The following BMPR1A variants were observed in gnomAD, a reference collection of about 807,000 sequenced individuals.
BMPR1A encodes bone morphogenetic protein receptor type 1A, also known as bone morphogenetic protein receptor type-1A.
A neutral mutation model predicts 66.0 loss-of-function variants in BMPR1A; 7 were observed. The ratio of observed to expected loss-of-function variants is 0.11; its 90% CI spans 0.06 to 0.20. The LOEUF is 0.20. Ranked by LOEUF, BMPR1A falls within the 10% of genes least tolerant of loss-of-function variation. BMPR1A has a pLI of 1.00. For synonymous variants in BMPR1A, 200 were observed against 229.7 expected (o/e 0.87, Z 1.17); for missense variants, 408 against 669.1 (o/e 0.61, Z 4.31).
At position 86,822,291 on chromosome 10, in the gene BMPR1A, T is replaced by G. The variant is rs867964617; in HGVS notation, c.-267-16574T>G. On this transcript the variant is annotated intron_variant, in intron 1 of 12. Transcript: ENST00000372037. ...TTTTATTCTAGTCCCAGTCTGTGTA[T>G]GAGTAAAACCCCAAGGACCCTGTAT... Among the ~76,000 whole-genome samples, 4 of 152,364 alleles carry G rather than the reference T, an allele frequency of 2.6e-5. No homozygotes were observed. The East Asian group carries it at 5.8e-4, about 22-fold the overall frequency.
At chr10:86,862,245 A>C (rs1324812442) in intron 2 of BMPR1A, among the ~76,000 whole-genome samples, 1 of 152,246 alleles carries the variant, frequency 6.6e-6, no homozygotes, top group Admixed American at 6.5e-5. Context: ...TAGGGTGGGC[A>C]GGAAGCCTGT....
intron 3 of BMPR1A, among the ~76,000 whole-genome samples, chr10:86,882,465 A>G (rs1333165024): frequency 6.6e-6 from 1 of 152,020 alleles, no homozygotes; most frequent in Non-Finnish European, 1.5e-5. Flanking sequence ...CATTTCAAAC[A>G]TATATATGTA....
intron 8 of BMPR1A, among the ~76,000 whole-genome samples, chr10:86,914,860 T>G (rs982030159): frequency 1.3e-5 from 2 of 152,168 alleles, no homozygotes; most frequent in African/African-American, 4.8e-5. Context: ...TGCTAATTAT[T>G]TACCCAAGAG....
At chr10:86,921,470 C>T in intron 10 of BMPR1A, 50 bp from the exon 11 acceptor site, 1 of 1,605,486 alleles carries the variant, frequency 6.2e-7, no homozygotes, top group Non-Finnish European at 8.5e-7. Flanking sequence ...ACAAGATAAA[C>T]TATTTTATTT....
At chr10:86,814,405 T>C (rs1315098224) in intron 1 of BMPR1A, among the ~76,000 whole-genome samples, 2 of 152,170 alleles carry the variant, frequency 1.3e-5, no homozygotes, top group East Asian at 3.8e-4. Context: ...CAATTTTTGT[T>C]GCTTTCTTTA....
At chr10:86,850,688 G>C (rs554667501) in intron 2 of BMPR1A, among the ~76,000 whole-genome samples, 38 of 152,240 alleles carry the variant, frequency 2.5e-4, no homozygotes, top group Middle Eastern at 3.4e-3. Flanking sequence ...CTGGAGTGCA[G>C]TGGCATGATC....
chr10:86,857,206 C>A (rs533413397), intron 2 of BMPR1A, among the ~76,000 whole-genome samples: 1 of 152,192 alleles, frequency 6.6e-6, no homozygotes, highest in East Asian at 1.9e-4. Flanking sequence ...ACATGGTGGC[C>A]TTTCTGGTGA....
intron 2 of BMPR1A, among the ~76,000 whole-genome samples, chr10:86,840,034 T>C (rs902877516): frequency 3.9e-5 from 6 of 152,154 alleles, no homozygotes; most frequent in African/African-American, 1.4e-4. Context: ...GGAGCTGCCA[T>C]CATGCCAGAA....
intron 3 of BMPR1A, among the ~76,000 whole-genome samples, chr10:86,877,895 T>C (rs1842939690): frequency 6.6e-6 from 1 of 152,230 alleles, no homozygotes; most frequent in South Asian, 2.1e-4. Flanking sequence ...CCAGTTCACA[T>C]TGTTCTATAA....
intron 2 of BMPR1A, among the ~76,000 whole-genome samples, chr10:86,852,753 CTA>C (rs1220906367): frequency 2.0e-5 from 3 of 152,114 alleles, no homozygotes; most frequent in Admixed American, 2.0e-4. Context: ...AGTTCTTACT[CTA>C]TTCCAAGCAC....
chr10:86,867,208 T>TACA (rs1258110271), intron 2 of BMPR1A, among the ~76,000 whole-genome samples: 1 of 152,234 alleles, frequency 6.6e-6, no homozygotes, highest in African/African-American at 2.4e-5. Context: ...CCTGAAGTTT[T>TACA]TGAGTGTTGA....
At chr10:86,826,993 T>A (rs1564696643) in intron 1 of BMPR1A, among the ~76,000 whole-genome samples, 1 of 75,756 alleles carries the variant, frequency 1.3e-5, no homozygotes, top group South Asian at 5.1e-4. Context: ...TATCTACTTA[T>A]CTTTCTATCT....
chr10:86,894,443 G>A (rs1030470292), intron 5 of BMPR1A, among the ~76,000 whole-genome samples: 29 of 152,164 alleles, frequency 1.9e-4, no homozygotes, highest in African/African-American at 6.5e-4. Flanking sequence ...CGTTGTTCCA[G>A]TTTTAGGCTA....
Position 86,920,845 on chromosome 10 carries a change from C to CCTTTT in BMPR1A, c.1167-664_1167-660dup, listed in dbSNP as rs1373655608. Among the ~76,000 whole-genome samples, 3 of 147,848 alleles carry CCTTTT rather than the reference C, an allele frequency of 2.0e-5. No individual in the cohort carries two copies. The South Asian group carries it at 6.4e-4, about 32-fold the overall frequency. On this transcript the variant is annotated intron_variant, in intron 10 of 12. Coordinates refer to ENST00000372037, the MANE Select transcript of BMPR1A (RefSeq NM_004329.3). The stretch of plus-strand genomic sequence containing the variant: ...ATCTACTACTTTATCTTTTTTTTTT[C>CCTTTT]CTTTTCTTTTCTTTTTTTTTTTTTT...
At position 86,923,595 on chromosome 10, in the gene BMPR1A, G is replaced by A. The variant is rs1256130183; in HGVS notation, c.1475G>A (p.Cys492Tyr). 1 of 1,614,072 alleles carries A rather than the reference G, an allele frequency of 6.2e-7. No individual in the cohort carries two copies. The highest frequency in any genetic ancestry group is 1.3e-5 in the African/African-American group (1 of 74,936). The change falls in exon 13 of 13, where the codon TGT becomes TAT. Residue 492 changes from cysteine to tyrosine, a missense_variant and splice_region_variant. Cys to Tyr is a radical substitution (Grantham distance 194, BLOSUM62 -2). Coordinates refer to ENST00000372037, the MANE Select transcript of BMPR1A (RefSeq NM_004329.3). ...ACTGAACATCTCTTTACTTTTCAGT[G>A]TCTACGAGCAGTTTTGAAGCTAATG... ...IVSNRWNSDE[C>Y]LRAVLKLMSE...
chr10:86,867,388 G>A (rs1341186977), intron 2 of BMPR1A, among the ~76,000 whole-genome samples: 1 of 152,136 alleles, frequency 6.6e-6, no homozygotes, highest in East Asian at 1.9e-4. Context: ...ATGCCTATGG[G>A]GTGACCAGAC....
chr10:86,869,757 CA>C (rs1318444122), intron 2 of BMPR1A, among the ~76,000 whole-genome samples: 9,419 of 130,500 alleles, frequency 0.072, 390 homozygotes, highest in Non-Finnish European at 0.091. Context: ...AACTCTGTCT[CA>C]AAAAAAAAAA....
chr10:86,883,588 TG>T (rs1433871049), intron 3 of BMPR1A, among the ~76,000 whole-genome samples: 8 of 112,448 alleles, frequency 7.1e-5, no homozygotes, highest in Non-Finnish European at 8.9e-5. Flanking sequence ...CTGGCCAACA[TG>T]GTGAAACACC....
intron 1 of BMPR1A, among the ~76,000 whole-genome samples, chr10:86,770,245 C>T (rs2418966): frequency 6.6e-6 from 1 of 152,214 alleles, no homozygotes; most frequent in South Asian, 2.1e-4. Flanking sequence ...GAGCTGAGAT[C>T]GTGCTACTGC....
Sources: allele counts gnomAD v4.1 joint callset (sites outside exome capture counted in the v4.1 genomes callset), GRCh38; gene constraint gnomAD v4.1.1; transcripts MANE v1.5; gene names NCBI Gene and HGNC (gene_info 2026-07-23, HGNC 2026-07-21).